CLASP2: variants seen among roughly 807,000 people sequenced by gnomAD.
CLASP2 encodes cytoplasmic linker associated protein 2.
Under a neutral mutation model 194.4 loss-of-function variants are expected in CLASP2, and 47 were observed. The observed-to-expected ratio is 0.24, with a 90% CI of 0.19 to 0.31. CLASP2 has a LOEUF of 0.31. CLASP2 is among the 10% of genes least tolerant of loss of function. CLASP2 has a pLI of 1.00. For synonymous variants in CLASP2, 619 were observed against 633.5 expected, an observed-to-expected ratio of 0.98 and a Z score of 0.34; for missense variants, 1,445 against 1,823.6, an observed-to-expected ratio of 0.79 and a Z score of 3.78.
chr3:33,674,241 A>G (rs998431326), intron 6 of CLASP2, among the ~76,000 whole-genome samples: 1 of 152,122 alleles, frequency 6.6e-6, no homozygotes, highest in African/African-American at 2.4e-5. Context: ...ATAACAAACT[A>G]TCTCTCAGAC....
At chr3:33,716,637 G>C (rs2093314839) in intron 1 of CLASP2, among the ~76,000 whole-genome samples, 1 of 152,172 alleles carries the variant, frequency 6.6e-6, no homozygotes, top group Admixed American at 6.5e-5. Context: ...TTCTTCCAAA[G>C]AAATAATCTC....
chr3:33,659,082 G>GCCTGCAGACA, intron 7 of CLASP2: 1 of 1,516,452 alleles, frequency 6.6e-7, no homozygotes, highest in Non-Finnish European at 8.8e-7. Context: ...TCGGCCTGCA[G>GCCTGCAGACA]CCTGCAGACA....
At chr3:33,577,869 T>A (rs533777260) in intron 23 of CLASP2, among the ~76,000 whole-genome samples, 8 of 152,330 alleles carry the variant, frequency 5.3e-5, no homozygotes, top group African/African-American at 1.9e-4. Flanking sequence ...GCATCATCTG[T>A]GAACAAAGGA....
At position 33,672,105 on chromosome 3, in the gene CLASP2, G is replaced by A. The variant is rs560929739; in HGVS notation, c.645-8590C>T. 2.4e-3 allele frequency among the ~76,000 whole-genome samples: 362 copies of A among 152,176 alleles called. 2 individuals are homozygous for A. Among genetic ancestry groups the A allele is most frequent in the African/African-American group, 8.5e-3 (352 of 41,498 alleles). ...GAAGAGAGCAGTGGTTCTCCCAGCA[G>A]GCAGCTGGAGATCTGAGAACGGGCA... On this transcript the variant is annotated intron_variant, in intron 6 of 38. Coordinates refer to ENST00000682230, the MANE Select transcript of CLASP2 (RefSeq NM_001365631.1).
At chr3:33,693,651 A>C (rs1559658641) in intron 2 of CLASP2, among the ~76,000 whole-genome samples, 1 of 152,168 alleles carries the variant, frequency 6.6e-6, no homozygotes, top group Non-Finnish European at 1.5e-5. Context: ...AATAGGCAAA[A>C]ATGGGTAAAA....
chr3:33,619,767 A>C (rs954978541), intron 11 of CLASP2, 29 bp from the exon 12 acceptor site: 2 of 1,535,036 alleles, frequency 1.3e-6, no homozygotes, highest in African/African-American at 2.8e-5. Flanking sequence ...AGTATTTTTT[A>C]ATAGTTTAAC....
rs1207470392 is a variant in CLASP2, at chr3:33,644,903, T to A, written c.716A>T (p.Asp239Val). Reference sequence around the variant, plus strand: ...TGATTCTTCATCATCGAAGCTTTTATCTGCACAAAGCATCAGAAAAATGTA... The same window carrying A: ...TGATTCTTCATCATCGAAGCTTTTAACTGCACAAAGCATCAGAAAAATGTA... ...SGGMILSVCK[D>V]KSFDDEESVD... The change falls in exon 8 of 39, where the codon GAT (aspartate) becomes GTT (valine). Residue 239 changes from aspartate to valine, a missense_variant and splice_region_variant. This residue lies in a region of CLASP2 where 332 missense variants were observed against 325.3 expected (regional missense o/e 1.02). Transcript: ENST00000682230. 6.3e-7 allele frequency: 1 copy of A among 1,590,436 alleles called. No individual in the cohort carries two copies. Among genetic ancestry groups the A allele is most frequent in the Non-Finnish European group, 8.6e-7 (1 of 1,166,972 alleles).
rs555621457 is a variant in CLASP2 at position 33,587,375 on chromosome 3, C to T, written c.2069-2455G>A. Among the ~76,000 whole-genome samples the T allele has an allele frequency of 4.6e-5, 7 of 152,296 alleles. No individual in the cohort carries two copies. In the East Asian group the frequency reaches 1.2e-3, roughly 25 times the overall value. On this transcript the variant is annotated intron_variant, in intron 21 of 38. Coordinates refer to ENST00000682230, the MANE Select transcript of CLASP2 (RefSeq NM_001365631.1). ...TCCTGACTTCATGATCCGCCTGCCT[C>T]GGCCTCCCAAAGTGCTGGGATTACA... is the stretch of plus-strand genomic sequence containing the variant.
intron 8 of CLASP2, among the ~76,000 whole-genome samples, chr3:33,638,702 T>A (rs577299757): frequency 2.6e-5 from 4 of 152,354 alleles, no homozygotes; most frequent in Middle Eastern, 3.4e-3. Flanking sequence ...ATGTCCTTTA[T>A]AGAAACAATG....
chr3:33,551,663 T>C (rs59370026), intron 29 of CLASP2, among the ~76,000 whole-genome samples: 9,921 of 152,182 alleles, frequency 0.065, 1,026 homozygotes, highest in African/African-American at 0.22. Context: ...GGTACAAGTA[T>C]ATGACAGTGT....
chr3:33,665,773 C>T (rs983866854), intron 6 of CLASP2, among the ~76,000 whole-genome samples: 1 of 152,102 alleles, frequency 6.6e-6, no homozygotes, highest in South Asian at 2.1e-4. Flanking sequence ...AAACTCTATA[C>T]ACTTATTTTA....
chr3:33,659,945 T>G (rs2085003580), intron 7 of CLASP2, among the ~76,000 whole-genome samples: 1 of 152,260 alleles, frequency 6.6e-6, no homozygotes, highest in Non-Finnish European at 1.5e-5. Flanking sequence ...TAAGGTAATT[T>G]CAAAGCCTCA....
At chr3:33,582,186 A>G (rs1259681548) in intron 22 of CLASP2, among the ~76,000 whole-genome samples, 3 of 152,186 alleles carry the variant, frequency 2.0e-5, no homozygotes, top group African/African-American at 7.2e-5. Context: ...AATATTTAAC[A>G]TACTGTACAA....
At chr3:33,577,226 C>G in intron 23 of CLASP2, 1 of 1,597,744 alleles carries the variant, frequency 6.3e-7, no homozygotes, top group Non-Finnish European at 8.5e-7. Flanking sequence ...ACTTCGGGGG[C>G]GTAGAGGGCA....
intron 9 of CLASP2, among the ~76,000 whole-genome samples, chr3:33,631,004 T>C (rs1048438581): frequency 6.6e-6 from 1 of 152,146 alleles, no homozygotes; most frequent in African/African-American, 2.4e-5. Flanking sequence ...AGGGATAAAA[T>C]ACAGTCAAAT....
intron 30 of CLASP2, among the ~76,000 whole-genome samples, chr3:33,545,329 T>C (rs960011079): frequency 6.6e-6 from 1 of 152,200 alleles, no homozygotes; most frequent in African/African-American, 2.4e-5. Flanking sequence ...AGTAATCAAC[T>C]GCATTACTAA....
intron 37 of CLASP2, among the ~76,000 whole-genome samples, chr3:33,506,279 G>A (rs2048144214): frequency 6.9e-6 from 1 of 145,548 alleles, no homozygotes. Flanking sequence ...TCAGGAGGCT[G>A]AGACAGGAGA....
chr3:33,575,713 GATATA>G (rs541873747), intron 24 of CLASP2, among the ~76,000 whole-genome samples: 89 of 151,986 alleles, frequency 5.9e-4, no homozygotes, highest in African/African-American at 1.8e-3. Context: ...CTAACTATAA[GATATA>G]ATATATCTTA....
chr3:33,654,794 T>A (rs191177005), intron 7 of CLASP2, among the ~76,000 whole-genome samples: 56 of 152,266 alleles, frequency 3.7e-4, no homozygotes, highest in Non-Finnish European at 3.7e-4. Flanking sequence ...ACAACCTTAG[T>A]TAACTATTTT....
Sources: gnomAD v4.1 joint callset for allele counts (sites outside exome capture counted in the v4.1 genomes callset) on GRCh38, gnomAD v4.1.1 for gene constraint, gnomAD v4.1.1 regional missense constraint, MANE v1.5 for transcripts, NCBI Gene and HGNC (gene_info 2026-07-23, HGNC 2026-07-21) for gene names.